The following TAFA1 variants were observed in gnomAD, a reference collection of about 807,000 sequenced individuals.
TAFA1 encodes the protein chemokine-like protein TAFA-1.
A neutral mutation model predicts 18.5 loss-of-function variants in TAFA1; 4 were observed. The observed-to-expected ratio is 0.22, with a 90% CI of 0.11 to 0.49. TAFA1 has a LOEUF of 0.49. Among genes scored for constraint, TAFA1 ranks in the 20% least tolerant of loss-of-function variants. The pLI is 0.98. For missense variants in TAFA1, 147 were observed against 169.0 expected, an observed-to-expected ratio of 0.87 and a Z score of 0.72; for synonymous variants, 56 against 55.2, an observed-to-expected ratio of 1.01 and a Z score of -0.06.
At chr3:68,209,529 C>T (rs187880912) in intron 2 of TAFA1, among the ~76,000 whole-genome samples, 13 of 152,072 alleles carry the variant, frequency 8.5e-5, no homozygotes, top group African/African-American at 3.1e-4. Context: ...ATCATTGTCC[C>T]TTCTTGCTTC....
At chr3:68,465,529 C>T (rs1301858959) in intron 3 of TAFA1, among the ~76,000 whole-genome samples, 1 of 152,090 alleles carries the variant, frequency 6.6e-6, no homozygotes, top group African/African-American at 2.4e-5. Flanking sequence ...GCAATGAAAT[C>T]CAAAGTAGCT....
At chr3:68,011,448 A>G (rs1704469212) in intron 2 of TAFA1, among the ~76,000 whole-genome samples, 1 of 152,188 alleles carries the variant, frequency 6.6e-6, no homozygotes, top group South Asian at 2.1e-4. Flanking sequence ...CTTGATTATT[A>G]CATACTGAAC....
At chr3:68,475,779 G>A (rs2072082541) in intron 3 of TAFA1, among the ~76,000 whole-genome samples, 1 of 145,454 alleles carries the variant, frequency 6.9e-6, no homozygotes, top group Admixed American at 7.0e-5. Flanking sequence ...CCCACCAACA[G>A]TGTAAAAGTG....
chr3:67,997,310 T>C, the TAFA1 span, among the ~76,000 whole-genome samples: 1 of 152,170 alleles, frequency 6.6e-6, no homozygotes, highest in Non-Finnish European at 1.5e-5. Flanking sequence ...CTAGCAATGA[T>C]CTTTTGAAGC....
At chr3:68,296,008 A>G (rs1039686388) in intron 2 of TAFA1, among the ~76,000 whole-genome samples, 3 of 152,202 alleles carry the variant, frequency 2.0e-5, no homozygotes, top group African/African-American at 7.2e-5. Context: ...TAAGATAAAG[A>G]GCTTTGATTC....
chr3:68,513,012 G>A (rs2072872607), intron 3 of TAFA1, among the ~76,000 whole-genome samples: 1 of 152,084 alleles, frequency 6.6e-6, no homozygotes, highest in Admixed American at 6.6e-5. Context: ...CATGTTGTGT[G>A]TGGTAGACTC....
intron 3 of TAFA1, among the ~76,000 whole-genome samples, chr3:68,431,224 G>A (rs1255728784): frequency 6.6e-6 from 1 of 151,910 alleles, no homozygotes; most frequent in Non-Finnish European, 1.5e-5. Context: ...AAGAGATGAT[G>A]GAGAAATGGC....
chr3:68,097,461 T>G (rs1171624678), intron 2 of TAFA1, among the ~76,000 whole-genome samples: 3 of 152,188 alleles, frequency 2.0e-5, no homozygotes, highest in East Asian at 3.9e-4. Context: ...TAAACACTTC[T>G]CATTTGTCCT....
chr3:68,391,334 A>G (rs1250539212), intron 2 of TAFA1, among the ~76,000 whole-genome samples: 1 of 152,178 alleles, frequency 6.6e-6, no homozygotes, highest in Non-Finnish European at 1.5e-5. Flanking sequence ...AAAAGGAATG[A>G]ACAAAGCCTC....
chr3:68,297,727 T>C (rs2068234935), intron 2 of TAFA1, among the ~76,000 whole-genome samples: 1 of 151,442 alleles, frequency 6.6e-6, no homozygotes, highest in Non-Finnish European at 1.5e-5. Context: ...GTGGGATTTC[T>C]GATCATTCAT....
intron 2 of TAFA1, among the ~76,000 whole-genome samples, chr3:68,395,340 G>A (rs1236817709): frequency 1.3e-5 from 2 of 152,166 alleles, no homozygotes; most frequent in Admixed American, 6.5e-5. Flanking sequence ...TACACTGTTG[G>A]TGAGAGTGTA....
chr3:68,267,663 A>T (rs962270603), intron 2 of TAFA1, among the ~76,000 whole-genome samples: 16 of 151,994 alleles, frequency 1.1e-4, no homozygotes, highest in Non-Finnish European at 1.5e-4. Flanking sequence ...TGCACAGGTT[A>T]TTTGAAGGAT....
At chr3:68,404,006 G>A (rs942077524) in intron 2 of TAFA1, among the ~76,000 whole-genome samples, 1 of 152,148 alleles carries the variant, frequency 6.6e-6, no homozygotes, top group African/African-American at 2.4e-5. Flanking sequence ...AATAGCAACA[G>A]CATCAGAGCA....
chr3:68,405,427 C>A (rs1229192199), intron 2 of TAFA1, among the ~76,000 whole-genome samples: 5 of 151,694 alleles, frequency 3.3e-5, no homozygotes, highest in African/African-American at 1.2e-4. Flanking sequence ...GTGGGAGGAT[C>A]ACATGAGAAT....
At chr3:68,430,221 C>T (rs747217016) in intron 3 of TAFA1, among the ~76,000 whole-genome samples, 5 of 151,832 alleles carry the variant, frequency 3.3e-5, no homozygotes, top group East Asian at 1.9e-4. Flanking sequence ...TCCGTGAAGA[C>T]GTGACAGGAA....
At chr3:68,062,587 C>T (rs771576275) in intron 2 of TAFA1, among the ~76,000 whole-genome samples, 2 of 152,164 alleles carry the variant, frequency 1.3e-5, no homozygotes, top group Non-Finnish European at 2.9e-5. Context: ...ATTGTGACTT[C>T]CTATACATAT....
chr3:68,455,130 A>G (rs2071637521), intron 3 of TAFA1, among the ~76,000 whole-genome samples: 1 of 152,318 alleles, frequency 6.6e-6, no homozygotes. Context: ...GAAAGAGAAA[A>G]TACATTTATT....
At chr3:68,401,051 G>T (rs17047630) in intron 2 of TAFA1, among the ~76,000 whole-genome samples, 1 of 152,048 alleles carries the variant, frequency 6.6e-6, no homozygotes, top group South Asian at 2.1e-4. Flanking sequence ...GGGATAAGCC[G>T]ATCAGTGAAA....
At chr3:68,397,392 A>C (rs2070402997) in intron 2 of TAFA1, among the ~76,000 whole-genome samples, 2 of 152,080 alleles carry the variant, frequency 1.3e-5, no homozygotes. Context: ...ACTTCCATTT[A>C]TGAGTGAGAA....
Sources: gnomAD v4.1 joint callset for allele counts (sites outside exome capture counted in the v4.1 genomes callset) on GRCh38, gnomAD v4.1.1 for gene constraint, MANE v1.5 for transcripts, NCBI Gene and HGNC (gene_info 2026-07-23, HGNC 2026-07-21) for gene names.